ALMS1: variants seen among roughly 807,000 people sequenced by gnomAD.
ALMS1 encodes the protein ALMS1 centrosome and basal body associated protein.
ALMS1 carries 271 observed loss-of-function variants against 352.2 expected under a neutral mutation model. That is an observed-to-expected ratio of 0.77 (90% confidence interval 0.70 to 0.85). The LOEUF (loss-of-function observed/expected upper bound fraction) is 0.85. Ranked by LOEUF, ALMS1 falls within the 40% of genes least tolerant of loss-of-function variation. The pLI, the probability that ALMS1 is intolerant of heterozygous loss-of-function variation, is 0.00. For missense variants in ALMS1, 5,445 were observed against 4,870.7 expected (o/e 1.12, Z -3.51); for synonymous variants, 1,865 against 1,761.2 (o/e 1.06, Z -1.48).
intron 13 of ALMS1, among the ~76,000 whole-genome samples, chr2:73,552,780 A>G (rs1674465617): frequency 6.6e-6 from 1 of 152,220 alleles, no homozygotes; most frequent in African/African-American, 2.4e-5. Context: ...GGGAAACTGA[A>G]CAATGACCTA....
chr2:73,448,717 C>G lies in ALMS1; in HGVS notation c.2190C>G (p.Phe730Leu). The G allele has an allele frequency of 6.2e-7, 1 of 1,613,548 alleles. No individual in the cohort carries two copies. Among genetic ancestry groups the G allele is most frequent in the African/African-American group, 1.3e-5 (1 of 74,812 alleles). ...EKPGIFYQQE[F>L]ADSHQTEETL... Reference sequence around the variant, plus strand: ...CTGGTATTTTTTACCAACAAGAGTTCGCAGACAGTCATCAAACTGAAGAGA... The same window carrying G: ...CTGGTATTTTTTACCAACAAGAGTTGGCAGACAGTCATCAAACTGAAGAGA... The change falls in exon 8 of 23, where the codon TTC becomes TTG. Residue 730 changes from phenylalanine to leucine, a missense_variant. Physicochemically the swap from Phe to Leu is conservative, Grantham distance 22. Coordinates refer to ENST00000613296, the MANE Select transcript of ALMS1 (RefSeq NM_001378454.1).
chr2:73,449,808 C>T lies in ALMS1; in HGVS notation c.3281C>T (p.Ser1094Phe), dbSNP rs1218473086. 2 of 1,614,110 alleles carry T rather than the reference C, an allele frequency of 1.2e-6. No homozygotes were observed. The highest frequency in any genetic ancestry group is 1.1e-5 in the South Asian group (1 of 91,084). Residue 1094 changes from serine to phenylalanine, a missense_variant, in exon 8 of 23, where the codon TCT (serine) becomes TTT (phenylalanine). Coordinates refer to ENST00000613296, the MANE Select transcript of ALMS1 (RefSeq NM_001378454.1). The part of the protein sequence containing the change: ...DQMTDTPAVP[S>F]TFYSQREKPG... ...ATGACTGACACACCAGCAGTACCGT[C>T]TACTTTCTACTCACAAAGAGAGAAG...
intron 16 of ALMS1, among the ~76,000 whole-genome samples, chr2:73,580,961 G>A (rs1675164832): frequency 1.3e-5 from 2 of 152,202 alleles, no homozygotes; most frequent in African/African-American, 2.4e-5. Context: ...TCAATGCTTA[G>A]CCAGGCCATT....
At chr2:73,509,998 T>G (rs1355410298) in intron 10 of ALMS1, among the ~76,000 whole-genome samples, 2 of 152,200 alleles carry the variant, frequency 1.3e-5, no homozygotes, top group African/African-American at 2.4e-5. Flanking sequence ...TTTCTTCCAC[T>G]TGGTCGATTC....
At chr2:73,481,977 G>C (rs1046977495) in intron 9 of ALMS1, among the ~76,000 whole-genome samples, 2 of 152,076 alleles carry the variant, frequency 1.3e-5, no homozygotes, top group African/African-American at 4.8e-5. Flanking sequence ...GAGATTTTGG[G>C]CTGAGACAGT....
chr2:73,393,937 C>T (rs576030748), intron 1 of ALMS1, among the ~76,000 whole-genome samples: 1 of 152,030 alleles, frequency 6.6e-6, no homozygotes, highest in South Asian at 2.1e-4. Context: ...CCTCCTATCT[C>T]AGCCTACCAA....
At chr2:73,397,747 C>A (rs941606851) in intron 1 of ALMS1, among the ~76,000 whole-genome samples, 1 of 152,126 alleles carries the variant, frequency 6.6e-6, no homozygotes, top group African/African-American at 2.4e-5. Context: ...GGATTACAGG[C>A]GTGCGGTTTT....
At chr2:73,557,451 C>A in intron 14 of ALMS1, 97 bp downstream of exon 14, 1 of 1,511,304 alleles carries the variant, frequency 6.6e-7, no homozygotes, top group Non-Finnish European at 9.1e-7. Flanking sequence ...TCTCTATTTT[C>A]TTCTTGCTGT....
chr2:73,529,734 A>C (rs1673868747), intron 11 of ALMS1, among the ~76,000 whole-genome samples: 1 of 152,154 alleles, frequency 6.6e-6, no homozygotes, highest in South Asian at 2.1e-4. Flanking sequence ...GAAGTATGCT[A>C]CCTGAGACTG....
At chr2:73,480,651 A>G (rs1423499709) in intron 9 of ALMS1, among the ~76,000 whole-genome samples, 2 of 151,438 alleles carry the variant, frequency 1.3e-5, no homozygotes, top group Non-Finnish European at 3.0e-5. Context: ...GAATCGCCAC[A>G]TTGACTTCCA....
At position 73,593,190 on chromosome 2, in the gene ALMS1, G is replaced by GA. The variant is rs1558707633; in HGVS notation, c.11548-6211_11548-6210insA. Among the ~76,000 whole-genome samples the GA allele has an allele frequency of 6.6e-3, 851 of 129,306 alleles. 13 individuals carry two copies. The highest frequency in any genetic ancestry group is 0.023 in the African/African-American group (731 of 31,306). 84.8% of individuals were successfully genotyped at this position (129,306 alleles called of 152,430 possible). A position where few individuals can be genotyped will look rare whatever the true frequency, so the allele number is the denominator to read the frequency against. On this transcript the variant is annotated intron_variant, in intron 16 of 22. Transcript: ENST00000613296. ...CTGACCGCATATATAAATGGATTCA[G>GA]GAAAAAAAAAAAAAAAAAGTTCCAT...
chr2:73,603,138 A>C (rs1675736190), intron 20 of ALMS1, 103 bp from the exon 21 acceptor site: 1 of 1,068,434 alleles, frequency 9.4e-7, no homozygotes, highest in African/African-American at 1.6e-5. Flanking sequence ...TTGCCAGCTC[A>C]GGGTAGGGGC....
At position 73,385,916 on chromosome 2, in the gene ALMS1, G is replaced by GGAA; in HGVS notation, c.50_51insAGA (p.Glu28dup). 1 of 869,392 alleles carries GGAA rather than the reference G, an allele frequency of 1.2e-6. No individual in the cohort carries two copies. 53.9% of individuals were successfully genotyped at this position (869,392 alleles called of 1,614,324 possible). On this transcript the variant is annotated inframe_insertion, in exon 1 of 23. Coordinates refer to ENST00000613296, the MANE Select transcript of ALMS1 (RefSeq NM_001378454.1). ...GGCCGGGCGAGCTGGAGGAGGAGGA[G>GGAA]GAGGAGGAGGAGGAGGAGGAGGAGG...
intron 11 of ALMS1, among the ~76,000 whole-genome samples, chr2:73,520,436 A>G (rs1200558484): frequency 6.6e-6 from 1 of 152,220 alleles, no homozygotes; most frequent in Non-Finnish European, 1.5e-5. Context: ...AAATAGATGC[A>G]TAAACATGTG....
chr2:73,399,070 C>T (rs926632361), intron 1 of ALMS1, among the ~76,000 whole-genome samples: 1 of 152,098 alleles, frequency 6.6e-6, no homozygotes, highest in East Asian at 1.9e-4. Flanking sequence ...CCAGGCTGGT[C>T]TCAAACTCCT....
At chr2:73,601,493 G>T (rs940955693) in intron 19 of ALMS1, 57 bp downstream of exon 19, 4 of 1,590,962 alleles carry the variant, frequency 2.5e-6, no homozygotes, top group Admixed American at 3.6e-5. Context: ...AGGGCAAGGC[G>T]CAGAGAAGCT....
chr2:73,542,730 C>T (rs567735799), intron 12 of ALMS1, among the ~76,000 whole-genome samples: 4 of 151,718 alleles, frequency 2.6e-5, no homozygotes, highest in Non-Finnish European at 5.9e-5. Context: ...GCAGACAAAC[C>T]GAGAGCCAAA....
At chr2:73,527,008 T>C (rs1472383276) in intron 11 of ALMS1, among the ~76,000 whole-genome samples, 1 of 152,180 alleles carries the variant, frequency 6.6e-6, no homozygotes, top group Non-Finnish European at 1.5e-5. Flanking sequence ...GAAATGTTTT[T>C]TCATCGTCAA....
intron 16 of ALMS1, among the ~76,000 whole-genome samples, chr2:73,578,104 GGATT>G (rs1352400698): frequency 6.6e-6 from 1 of 152,016 alleles, no homozygotes; most frequent in Non-Finnish European, 1.5e-5. Flanking sequence ...TCCTCTTCAT[GGATT>G]GATCCTTTTA....
Sources: allele counts gnomAD v4.1 joint callset (sites outside exome capture counted in the v4.1 genomes callset), GRCh38; gene constraint gnomAD v4.1.1; transcripts MANE v1.5; gene names NCBI Gene and HGNC (gene_info 2026-07-23, HGNC 2026-07-21).